Variants in FGF13 observed in about 807,000 individuals in gnomAD.
FGF13 encodes fibroblast growth factor 13, also known as fibroblast growth factor homologous factor 2.
Under a neutral mutation model 19.5 loss-of-function variants are expected in FGF13, and 2 were observed. The ratio of observed to expected loss-of-function variants is 0.10; its 90% CI spans 0.04 to 0.32. The LOEUF is 0.32. FGF13 is among the 10% of genes least tolerant of loss of function. The pLI is 1.00. For missense variants in FGF13, 113 were observed against 192.7 expected (o/e 0.59, Z 2.45); for synonymous variants, 72 against 76.9 (o/e 0.94, Z 0.33).
At chrX:139,048,700 G>A (rs1172149627) in intron 1 of FGF13, among the ~76,000 whole-genome samples, 2 of 108,285 alleles carry the variant, frequency 1.8e-5, no homozygotes, top group African/African-American at 6.7e-5. Context: ...ATGGGATTTT[G>A]TCCTGTTTCT....
At chrX:139,076,189 T>G (rs2083331643) in intron 1 of FGF13, among the ~76,000 whole-genome samples, 1 of 111,405 alleles carries the variant, frequency 9.0e-6, no homozygotes, top group Admixed American at 9.6e-5. Context: ...AGCAAGAACA[T>G]CATATAAATG....
At chrX:139,131,236 A>G (rs2083757995) in intron 1 of FGF13, among the ~76,000 whole-genome samples, 1 of 111,656 alleles carries the variant, frequency 9.0e-6, no homozygotes, top group Admixed American at 9.6e-5. Context: ...AGCCAGATAA[A>G]TCTGGGTTCA....
At chrX:139,076,732 G>C (rs1388616325) in intron 1 of FGF13, among the ~76,000 whole-genome samples, 1 of 112,022 alleles carries the variant, frequency 8.9e-6, no homozygotes, top group Non-Finnish European at 1.9e-5. Context: ...CTGGAATCTG[G>C]CTATCACCTT....
At chrX:138,726,071 T>G (rs1376736121) in intron 1 of FGF13, among the ~76,000 whole-genome samples, 11 of 111,404 alleles carry the variant, frequency 9.9e-5, no homozygotes, top group Non-Finnish European at 3.8e-5. Flanking sequence ...GGGCATCTAC[T>G]TCCACACCGA....
At chrX:138,965,568 A>C (rs887283800) in intron 1 of FGF13, among the ~76,000 whole-genome samples, 3 of 112,263 alleles carry the variant, frequency 2.7e-5, no homozygotes, top group Non-Finnish European at 3.8e-5. Flanking sequence ...GCATCATTCA[A>C]ATGGGCCTGT....
intron 3 of FGF13, among the ~76,000 whole-genome samples, chrX:138,851,071 G>C (rs140606226): frequency 0.023 from 2,586 of 111,353 alleles, 78 homozygotes; most frequent in African/African-American, 0.081. Context: ...ACATGATCTC[G>C]TTCCTTTTTA....
chrX:138,658,323 A>G lies in FGF13; in HGVS notation c.403-22668T>C, dbSNP rs188338002. Among the ~76,000 whole-genome samples the G allele has an allele frequency of 1.8e-4, 20 of 112,631 alleles. 1 individual carries two copies. Among genetic ancestry groups the G allele is most frequent in the South Asian group, 7.3e-4 (2 of 2,735 alleles). On this transcript the variant is annotated intron_variant, in intron 3 of 4. Coordinates refer to ENST00000315930, the MANE Select transcript of FGF13 (RefSeq NM_004114.5). The stretch of plus-strand genomic sequence containing the variant: ...ATTACTAACAGAAATTGCCTTCACT[A>G]CAACAGCTATCAGCTAGACTGCCTA...
At chrX:138,706,057 T>C (rs1273000304) in intron 2 of FGF13, among the ~76,000 whole-genome samples, 2 of 112,481 alleles carry the variant, frequency 1.8e-5, no homozygotes, top group Non-Finnish European at 3.8e-5. Flanking sequence ...ACCCAGTGTT[T>C]GCTGAAGGCA....
chrX:138,714,950 C>T (rs1458987547), upstream of FGF13: 1 of 111,497 alleles, frequency 9.0e-6, no homozygotes, highest in Non-Finnish European at 1.9e-5. Context: ...ATTTCCAAAT[C>T]CCTTTTTCTC....
chrX:139,062,898 A>G (rs1348203513), intron 1 of FGF13, among the ~76,000 whole-genome samples: 2 of 112,027 alleles, frequency 1.8e-5, no homozygotes, highest in African/African-American at 3.2e-5. Flanking sequence ...TTCAATTTCC[A>G]TAGCAGTAGC....
At chrX:139,108,216 A>C (rs2124462690) in intron 1 of FGF13, among the ~76,000 whole-genome samples, 1 of 112,234 alleles carries the variant, frequency 8.9e-6, no homozygotes, top group South Asian at 3.7e-4. Context: ...AGACACAGAA[A>C]CCTATGTAAG....
intron 3 of FGF13, among the ~76,000 whole-genome samples, chrX:138,785,723 C>T (rs1254321392): frequency 8.9e-6 from 1 of 111,981 alleles, no homozygotes; most frequent in Non-Finnish European, 1.9e-5. Flanking sequence ...CTCTAAATGA[C>T]CTCGGCCTCA....
intron 3 of FGF13, among the ~76,000 whole-genome samples, chrX:138,787,968 C>T (rs1011496755): frequency 6.3e-5 from 7 of 111,885 alleles, no homozygotes; most frequent in Non-Finnish European, 1.3e-4. Flanking sequence ...TCCAATCTGG[C>T]TTCCCAAAAT....
At chrX:138,843,316 A>G (rs1377868365) in intron 3 of FGF13, among the ~76,000 whole-genome samples, 4 of 112,391 alleles carry the variant, frequency 3.6e-5, no homozygotes, top group Non-Finnish European at 5.6e-5. Flanking sequence ...GGATGACAGG[A>G]TATCAAAGGG....
At chrX:138,762,326 A>AT (rs1388499839) in intron 3 of FGF13, among the ~76,000 whole-genome samples, 2 of 111,428 alleles carry the variant, frequency 1.8e-5, no homozygotes, top group African/African-American at 6.5e-5. Context: ...CTCCACTGAA[A>AT]TCTCTACTTA....
At chrX:138,757,896 G>A (rs1489341411) in intron 3 of FGF13, among the ~76,000 whole-genome samples, 5 of 111,660 alleles carry the variant, frequency 4.5e-5, no homozygotes, top group African/African-American at 1.6e-4. Context: ...CTGACAAAAC[G>A]AAAATCAAGG....
chrX:138,842,742 T>C, intron 3 of FGF13, among the ~76,000 whole-genome samples: 1 of 110,415 alleles, frequency 9.1e-6, no homozygotes, highest in Middle Eastern at 4.6e-3. Context: ...GTGGGTAGAG[T>C]CAAGGGATGC....
intron 1 of FGF13, among the ~76,000 whole-genome samples, chrX:139,198,336 T>C (rs1049106251): frequency 9.0e-6 from 1 of 111,661 alleles, no homozygotes; most frequent in Non-Finnish European, 1.9e-5. Flanking sequence ...AGGACAGACA[T>C]ATACAACTAG....
upstream of FGF13, among the ~76,000 whole-genome samples, chrX:138,741,063 T>G (rs2090315093): frequency 8.9e-6 from 1 of 112,263 alleles, no homozygotes; most frequent in African/African-American, 3.2e-5. Context: ...CAAACCAAAA[T>G]GGCTAATGGA....
Sources: allele counts gnomAD v4.1 joint callset (sites outside exome capture counted in the v4.1 genomes callset), GRCh38; gene constraint gnomAD v4.1.1; transcripts MANE v1.5; gene names NCBI Gene and HGNC (gene_info 2026-07-23, HGNC 2026-07-21).